DMD: variants seen among roughly 807,000 people sequenced by gnomAD.
DMD encodes dystrophin.
In DMD, 63 loss-of-function variants were observed where a neutral mutation model predicts 330.1. That is an observed-to-expected ratio of 0.19 (90% CI 0.16 to 0.24). DMD has a LOEUF of 0.24. Ranked by LOEUF, DMD falls within the 10% of genes least tolerant of loss-of-function variation. The pLI, the probability that DMD is intolerant of heterozygous loss-of-function variation, is 1.00. For missense variants in DMD, 3,344 were observed against 2,684.1 expected (o/e 1.25, Z -5.43); for synonymous variants, 1,223 against 959.8 (o/e 1.27, Z -5.07).
chrX:31,977,476 C>T (rs1032856481), intron 44 of DMD, among the ~76,000 whole-genome samples: 13 of 111,220 alleles, frequency 1.2e-4, no homozygotes, highest in African/African-American at 3.6e-4. Flanking sequence ...CTGTGTCTAA[C>T]ATCAATTAAT....
At chrX:31,818,712 C>T (rs1377273259) in intron 50 of DMD, among the ~76,000 whole-genome samples, 2 of 108,018 alleles carry the variant, frequency 1.9e-5, no homozygotes, top group African/African-American at 6.7e-5. Context: ...GAGTATAACC[C>T]TGATACAGCA....
At chrX:31,363,017 T>C (rs193141933) in intron 60 of DMD, among the ~76,000 whole-genome samples, 30 of 112,040 alleles carry the variant, frequency 2.7e-4, no homozygotes, top group Non-Finnish European at 4.7e-4. Flanking sequence ...AATCTATACC[T>C]CAGGGATATT....
chrX:31,387,553 C>T (rs1263643311), intron 60 of DMD, among the ~76,000 whole-genome samples: 1 of 111,255 alleles, frequency 9.0e-6, no homozygotes, highest in Non-Finnish European at 1.9e-5. Flanking sequence ...GCATGCACCA[C>T]TATGCCTGGC....
In DMD at chrX:31,831,556, C is replaced by G. The variant is rs184746937; in HGVS notation, c.7200+5162G>C. Among the ~76,000 whole-genome samples, 22 of 111,921 alleles carry G rather than the reference C, an allele frequency of 2.0e-4. No individual in the cohort carries two copies. The East Asian group carries it at 5.3e-3, about 27-fold the overall frequency. On this transcript the variant is annotated intron_variant, in intron 49 of 78. Transcript: ENST00000357033. ...ATTGGGATTAGCATTTATTCAACCTCTTATACTCCAAGACTTTTTTTTCAG... is the reference window on the plus strand; with the variant it reads ...ATTGGGATTAGCATTTATTCAACCTGTTATACTCCAAGACTTTTTTTTCAG...
At chrX:33,263,160 T>C (rs1439636412) in intron 1 of DMD, among the ~76,000 whole-genome samples, 1 of 110,610 alleles carries the variant, frequency 9.0e-6, no homozygotes, top group Admixed American at 9.7e-5. Flanking sequence ...TTGTTTGACA[T>C]ATTTCATAAT....
At chrX:33,336,556 T>A (rs767848318) in intron 1 of DMD, among the ~76,000 whole-genome samples, 1 of 110,894 alleles carries the variant, frequency 9.0e-6, no homozygotes, top group South Asian at 3.7e-4. Flanking sequence ...CTCAATAAAA[T>A]TTTTACCTAA....
intron 2 of DMD, among the ~76,000 whole-genome samples, chrX:32,863,884 TTC>T (rs1240491581): frequency 1.8e-5 from 2 of 112,301 alleles, no homozygotes; most frequent in East Asian, 5.6e-4. Context: ...GGTTTATTCA[TTC>T]TTTCTTCTTC....
intron 2 of DMD, among the ~76,000 whole-genome samples, chrX:33,002,166 T>C (rs1418764312): frequency 4.5e-5 from 5 of 111,216 alleles, no homozygotes; most frequent in South Asian, 7.7e-4. Context: ...GTGCCTTTTC[T>C]ATTCAGAAGG....
chrX:31,959,700 T>TG lies in DMD; in HGVS notation c.6614+8638dup, dbSNP rs368269308. Among the ~76,000 whole-genome samples, 505 of 110,438 alleles carry TG rather than the reference T, an allele frequency of 4.6e-3. 4 individuals carry two copies. Among genetic ancestry groups the TG allele is most frequent in the African/African-American group, 0.016 (474 of 30,394 alleles). ...CTCAATGCAAAATACCTCCATTTTT[T>TG]GGGGATTCTATCCCTCATACCCAAT... On this transcript the variant is annotated intron_variant, in intron 45 of 78. Transcript: ENST00000357033.
At chrX:31,366,690 C>T (rs1349170210) in intron 60 of DMD, among the ~76,000 whole-genome samples, 1 of 108,182 alleles carries the variant, frequency 9.2e-6, no homozygotes, top group Non-Finnish European at 1.9e-5. Flanking sequence ...GTTCACTACA[C>T]ACTCATTCTT....
intron 71 of DMD, among the ~76,000 whole-genome samples, chrX:31,175,955 A>G (rs2148254719): frequency 9.0e-6 from 1 of 111,218 alleles, no homozygotes; most frequent in East Asian, 2.8e-4. Flanking sequence ...AGTCTAAGGA[A>G]AACCAAACGG....
intron 45 of DMD, among the ~76,000 whole-genome samples, chrX:31,951,122 C>CATATATATATATATAT (rs767693982): frequency 6.1e-5 from 4 of 65,359 alleles, no homozygotes; most frequent in African/African-American, 2.8e-4. Flanking sequence ...TATATATATA[C>CATATATATATATATAT]ATATATATAT....
chrX:32,252,667 T>TTTATATATAA (rs2097269756), intron 43 of DMD, among the ~76,000 whole-genome samples: 1 of 40,748 alleles, frequency 2.5e-5, no homozygotes, highest in African/African-American at 1.3e-4. Flanking sequence ...TATATAAATA[T>TTTATATATAA]ATATATATAA....
chrX:31,344,037 C>CGGGGG (rs58479792), intron 61 of DMD, among the ~76,000 whole-genome samples: 48 of 83,188 alleles, frequency 5.8e-4, no homozygotes, highest in African/African-American at 1.8e-3. Context: ...GATTGGAGTG[C>CGGGGG]GGGGGGGGGT....
chrX:33,317,342 A>T (rs1324348283), intron 1 of DMD, among the ~76,000 whole-genome samples: 1 of 111,619 alleles, frequency 9.0e-6, no homozygotes, highest in Non-Finnish European at 1.9e-5. Context: ...ATATTATTAT[A>T]TATAAAACCT....
intron 47 of DMD, among the ~76,000 whole-genome samples, chrX:31,912,405 A>G (rs982025988): frequency 1.8e-5 from 2 of 110,878 alleles, no homozygotes; most frequent in South Asian, 3.8e-4. Flanking sequence ...CCAACTGACT[A>G]CCACTTCTTC....
intron 62 of DMD, among the ~76,000 whole-genome samples, chrX:31,296,837 T>C: frequency 8.9e-6 from 1 of 111,969 alleles, no homozygotes; most frequent in Non-Finnish European, 1.9e-5. Flanking sequence ...GCTTTTATAT[T>C]CTACACCATG....
chrX:32,660,735 T>C (rs1434186714), intron 9 of DMD, among the ~76,000 whole-genome samples: 1 of 111,554 alleles, frequency 9.0e-6, no homozygotes, highest in Non-Finnish European at 1.9e-5. Context: ...CTTGCCAACC[T>C]GAAAATGTTC....
At chrX:31,830,287 T>C (rs1401447481) in intron 49 of DMD, among the ~76,000 whole-genome samples, 1 of 112,773 alleles carries the variant, frequency 8.9e-6, no homozygotes, top group East Asian at 2.8e-4. Flanking sequence ...TGTTAGTCTA[T>C]TGGGAATTTT....
Sources: gnomAD v4.1 joint callset for allele counts (sites outside exome capture counted in the v4.1 genomes callset) on GRCh38, gnomAD v4.1.1 for gene constraint, MANE v1.5 for transcripts, NCBI Gene and HGNC (gene_info 2026-07-23, HGNC 2026-07-21) for gene names.